NCKAP1: variants seen among roughly 807,000 people sequenced by gnomAD.
The protein encoded by NCKAP1 is nck-associated protein 1.
In NCKAP1, 21 loss-of-function variants were observed where a neutral mutation model predicts 151.2. The observed-to-expected ratio is 0.14, with a 90% confidence interval of 0.10 to 0.20. The LOEUF (loss-of-function observed/expected upper bound fraction) is 0.20. Ranked by LOEUF, NCKAP1 falls within the 10% of genes least tolerant of loss-of-function variation. The probability of loss-of-function intolerance (pLI) is 1.00; values close to 1 mark genes in which losing one functional copy is unlikely to be tolerated. For missense variants in NCKAP1, 933 were observed against 1,352.1 expected (o/e 0.69, Z 4.86); for synonymous variants, 484 against 451.8 (o/e 1.07, Z -0.90).
intron 18 of NCKAP1, 85 bp downstream of exon 18, chr2:182,962,074 G>GA: frequency 7.2e-7 from 1 of 1,381,230 alleles, no homozygotes; most frequent in South Asian, 1.4e-5. Flanking sequence ...CTAAAGAATG[G>GA]AAAGTAAAAC....
At chr2:182,935,754 AAAG>A (rs147095033) in intron 24 of NCKAP1, among the ~76,000 whole-genome samples, 8,241 of 152,200 alleles carry the variant, frequency 0.054, 296 homozygotes, top group Non-Finnish European at 0.08. Flanking sequence ...ACTAGATGAG[AAAG>A]AAGCTGATCA....
chr2:183,027,045 TCTAAATACAGC>T (rs150907354), intron 1 of NCKAP1, among the ~76,000 whole-genome samples: 21,776 of 151,990 alleles, frequency 0.14, 2,115 homozygotes, highest in Non-Finnish European at 0.22. Flanking sequence ...AGCCTAAACA[TCTAAATACAGC>T]CTAAATACAG....
In NCKAP1 at chr2:182,964,717, T is replaced by A; in HGVS notation, c.1720A>T (p.Thr574Ser). 6.2e-7 allele frequency: 1 copy of A among 1,607,496 alleles called. No individual in the cohort carries two copies. The highest frequency in any genetic ancestry group is 8.5e-7 in the Non-Finnish European group (1 of 1,176,660). The change falls in exon 17 of 31, where the codon ACT (threonine) becomes TCT (serine). Residue 574 changes from threonine to serine, a missense_variant. Around this residue, in one of 2 missense-constraint regions of NCKAP1, gnomAD observed 607 missense variants for 795.0 expected, o/e 0.76. Coordinates refer to ENST00000361354, the MANE Select transcript of NCKAP1 (RefSeq NM_013436.5). ...RYSIAFPLLC[T>S]HFMSCTHELC... ...TCATGCGTGCAACTCATAAAATGAG[T>A]GCAAAGTAGTGGAAATGCAATTGAG...
chr2:182,979,095 A>C (rs988510132), intron 13 of NCKAP1, among the ~76,000 whole-genome samples, 180 bp from the exon 14 acceptor site: 17 of 152,136 alleles, frequency 1.1e-4, no homozygotes, highest in Admixed American at 8.5e-4. Flanking sequence ...CATTACATTA[A>C]GTGAAAGAAA....
At chr2:182,972,319 G>C (rs190142476) in intron 15 of NCKAP1, among the ~76,000 whole-genome samples, 4 of 149,754 alleles carry the variant, frequency 2.7e-5, no homozygotes, top group Middle Eastern at 3.5e-3. Flanking sequence ...GTGGCCAACA[G>C]ATATATTTTT....
intron 21 of NCKAP1, 24 bp from the exon 22 acceptor site, chr2:182,952,947 AC>A (rs1185053731): frequency 6.3e-7 from 1 of 1,594,680 alleles, no homozygotes; most frequent in African/African-American, 1.4e-5. Context: ...TAAACTTATA[AC>A]CGGAAGAAAC....
chr2:182,977,698 G>C (rs1697854534), intron 14 of NCKAP1, among the ~76,000 whole-genome samples: 1 of 152,016 alleles, frequency 6.6e-6, no homozygotes, highest in South Asian at 2.1e-4. Flanking sequence ...GGTTGCCAGG[G>C]GCTAGCAGGA....
chr2:182,950,152 T>C (rs748549165), intron 23 of NCKAP1, among the ~76,000 whole-genome samples: 1 of 152,122 alleles, frequency 6.6e-6, no homozygotes, highest in Non-Finnish European at 1.5e-5. Flanking sequence ...CCAGCCATGC[T>C]AGAAAAGTGA....
At position 183,038,023 on chromosome 2, in the gene NCKAP1, C is replaced by T; in HGVS notation, c.77G>A (p.Gly26Asp). The T allele has an allele frequency of 6.3e-7, 1 of 1,581,686 alleles. No individual in the cohort carries two copies. Among genetic ancestry groups the T allele is most frequent in the African/African-American group, 1.4e-5 (1 of 72,790 alleles). ...KLTILNDRGVGMLTRLYNIKK... is the reference protein window; with the variant it reads ...KLTILNDRGVDMLTRLYNIKK... ...GATGTTGTAGAGGCGGGTGAGCATG[C>T]CGACGCCCCGGTCGTTGAGGATGGT... is the stretch of plus-strand genomic sequence containing the variant. Residue 26 changes from glycine to aspartate, a missense_variant, in exon 1 of 31, where the codon GGC becomes GAC. Physicochemically the swap from Gly to Asp is moderately conservative, Grantham distance 94. Transcript: ENST00000361354.
At chr2:182,943,957 T>C (rs1697048490) in intron 23 of NCKAP1, among the ~76,000 whole-genome samples, 1 of 152,186 alleles carries the variant, frequency 6.6e-6, no homozygotes, top group Non-Finnish European at 1.5e-5. Context: ...CCATCTTTTG[T>C]GCGCATAAAA....
intron 17 of NCKAP1, 66 bp from the exon 18 acceptor site, chr2:182,962,344 C>G: frequency 1.4e-6 from 2 of 1,400,332 alleles, no homozygotes; most frequent in Admixed American, 2.3e-5. Flanking sequence ...AAAAAGACTT[C>G]TAAATAGACA....
At chr2:182,978,688 A>T (rs1343393843) in intron 14 of NCKAP1, 146 bp downstream of exon 14, 8 of 426,988 alleles carry the variant, frequency 1.9e-5, no homozygotes, top group Non-Finnish European at 2.9e-5. Context: ...TCACAAACCC[A>T]TTTTGGAAAT....
intron 1 of NCKAP1, among the ~76,000 whole-genome samples, chr2:183,031,258 TATTA>T (rs1698999067): frequency 6.6e-6 from 1 of 152,212 alleles, no homozygotes; most frequent in South Asian, 2.1e-4. Flanking sequence ...TCAAATGAGT[TATTA>T]ATTACCATTC....
At chr2:182,966,461 A>G (rs949192259) in intron 16 of NCKAP1, among the ~76,000 whole-genome samples, 5 of 151,850 alleles carry the variant, frequency 3.3e-5, no homozygotes, top group African/African-American at 9.7e-5. Context: ...TAATTTTTCT[A>G]TTTTCAGTAG....
chr2:182,973,365 G>C (rs991581007), intron 15 of NCKAP1, among the ~76,000 whole-genome samples: 2 of 152,030 alleles, frequency 1.3e-5, no homozygotes, highest in Non-Finnish European at 2.9e-5. Flanking sequence ...TAAATTAGAA[G>C]ACAGACGAGA....
At chr2:182,928,313 T>C (rs1696689223) in intron 28 of NCKAP1, 87 bp from the exon 29 acceptor site, 1 of 872,194 alleles carries the variant, frequency 1.1e-6, no homozygotes, top group Admixed American at 2.5e-5. Context: ...ACAATCTGCA[T>C]AAATAGGGGC....
intron 24 of NCKAP1, among the ~76,000 whole-genome samples, chr2:182,940,619 T>C (rs1696976777): frequency 6.6e-6 from 1 of 152,208 alleles, no homozygotes; most frequent in Admixed American, 6.5e-5. Flanking sequence ...TTTGTATTTT[T>C]AGTAGAGACA....
At chr2:183,019,333 G>A (rs749536761) in intron 2 of NCKAP1, among the ~76,000 whole-genome samples, 5 of 151,778 alleles carry the variant, frequency 3.3e-5, no homozygotes, top group African/African-American at 7.3e-5. Flanking sequence ...TAGGTGTAAT[G>A]CAATATAGGA....
Position 182,914,360 on chromosome 2 carries a change from T to C in NCKAP1, c.*11342A>G, listed in dbSNP as rs572642474. 1 of 152,358 alleles carries C rather than the reference T, an allele frequency of 6.6e-6. No individual in the cohort carries two copies. The highest frequency in any genetic ancestry group is 1.9e-4 in the East Asian group (1 of 5,186). The allele number at this position is 152,358 out of a possible 1,614,324, so 9.4% of individuals were successfully genotyped here. On this transcript the variant is annotated 3_prime_UTR_variant, in exon 31 of 31. Coordinates refer to ENST00000361354, the MANE Select transcript of NCKAP1 (RefSeq NM_013436.5). ...AGTGGAGGGAGCTGACGTTTTGGAC[T>C]CTGGACAGATACAATACATACCTGC...
Sources: allele counts gnomAD v4.1 joint callset (sites outside exome capture counted in the v4.1 genomes callset), GRCh38; gene constraint gnomAD v4.1.1; regional missense constraint gnomAD v4.1.1; transcripts MANE v1.5; gene names NCBI Gene and HGNC (gene_info 2026-07-23, HGNC 2026-07-21).